SLC10A7: variants seen among roughly 807,000 people sequenced by gnomAD.
SLC10A7 encodes solute carrier family 10 member 7.
In SLC10A7, 29 loss-of-function variants were observed where a neutral mutation model predicts 43.2. The ratio of observed to expected loss-of-function variants is 0.67; its 90% CI spans 0.50 to 0.92. SLC10A7 has a LOEUF of 0.92. Among genes scored for constraint, SLC10A7 ranks in the 40% least tolerant of loss-of-function variants. The pLI is 0.00. For synonymous variants in SLC10A7, 152 were observed against 144.8 expected, an observed-to-expected ratio of 1.05 and a Z score of -0.35; for missense variants, 295 against 403.2, an observed-to-expected ratio of 0.73 and a Z score of 2.30.
chr4:146,491,174 A>G (rs565259914), intron 4 of SLC10A7, among the ~76,000 whole-genome samples: 6 of 152,284 alleles, frequency 3.9e-5, no homozygotes, highest in African/African-American at 1.4e-4. Flanking sequence ...CAACTACTAG[A>G]TACGGGGGAT....
intron 10 of SLC10A7, among the ~76,000 whole-genome samples, chr4:146,269,976 T>C (rs1728794735): frequency 6.6e-6 from 1 of 152,218 alleles, no homozygotes; most frequent in South Asian, 2.1e-4. Context: ...CTTCCAGTGG[T>C]AATTTTCCTT....
chr4:146,256,458 A>AT lies in SLC10A7; in HGVS notation c.*32dup. On this transcript the variant is annotated 3_prime_UTR_variant, in exon 12 of 12. Transcript: ENST00000335472. ...TGCTAGTATGTACAATCCTGTACAT[A>AT]TATACATTGCTACAGAAAGTCCACC... 6.2e-7 allele frequency: 1 copy of AT among 1,611,072 alleles called. No individual in the cohort carries two copies. Among genetic ancestry groups the AT allele is most frequent in the Non-Finnish European group, 8.5e-7 (1 of 1,177,210 alleles).
chr4:146,435,918 T>G (rs1296947732), intron 5 of SLC10A7, among the ~76,000 whole-genome samples: 1 of 152,100 alleles, frequency 6.6e-6, no homozygotes, highest in Non-Finnish European at 1.5e-5. Flanking sequence ...GGACTGATGA[T>G]GTTTCAAAAA....
intron 9 of SLC10A7, among the ~76,000 whole-genome samples, chr4:146,286,464 T>C (rs1224406288): frequency 1.4e-5 from 2 of 147,280 alleles, no homozygotes; most frequent in African/African-American, 2.5e-5. Flanking sequence ...AGGACTGAGT[T>C]TGGAGTGGTG....
At chr4:146,459,075 T>C (rs1363735587) in intron 4 of SLC10A7, among the ~76,000 whole-genome samples, 1 of 151,768 alleles carries the variant, frequency 6.6e-6, no homozygotes, top group Non-Finnish European at 1.5e-5. Context: ...AGGAATAATT[T>C]TAAATTGAAA....
chr4:146,326,237 T>C (rs1733094287), intron 5 of SLC10A7, among the ~76,000 whole-genome samples: 1 of 152,206 alleles, frequency 6.6e-6, no homozygotes, highest in Non-Finnish European at 1.5e-5. Flanking sequence ...GGTTCATCTT[T>C]CCTTTTGTAA....
chr4:146,278,190 T>C (rs185287882), intron 10 of SLC10A7, among the ~76,000 whole-genome samples: 50 of 152,274 alleles, frequency 3.3e-4, no homozygotes, highest in African/African-American at 1.1e-3. Flanking sequence ...TATGCTTTCA[T>C]TTATTTTTAT....
chr4:146,329,672 A>G (rs1446604745), intron 5 of SLC10A7, among the ~76,000 whole-genome samples: 1 of 152,164 alleles, frequency 6.6e-6, no homozygotes, highest in African/African-American at 2.4e-5. Flanking sequence ...CAGGCTCAGT[A>G]TGTCTTTTTG....
chr4:146,387,518 A>T (rs538149415), intron 5 of SLC10A7, among the ~76,000 whole-genome samples: 61 of 152,300 alleles, frequency 4.0e-4, no homozygotes, highest in South Asian at 1.0e-3. Flanking sequence ...TCCCCCTAGG[A>T]CTGGAACAAG....
chr4:146,436,263 A>AT (rs1206410344), intron 5 of SLC10A7, among the ~76,000 whole-genome samples: 1 of 152,146 alleles, frequency 6.6e-6, no homozygotes, highest in Non-Finnish European at 1.5e-5. Context: ...GATCCTATAC[A>AT]TTTTTATTAA....
intron 5 of SLC10A7, among the ~76,000 whole-genome samples, chr4:146,334,421 G>A (rs1437048044): frequency 2.6e-5 from 4 of 152,138 alleles, no homozygotes; most frequent in Admixed American, 1.3e-4. Context: ...GGAGGGCTGA[G>A]TAAGGAGGGA....
chr4:146,465,606 C>A (rs1430494089), intron 4 of SLC10A7, among the ~76,000 whole-genome samples: 2 of 152,148 alleles, frequency 1.3e-5, no homozygotes, highest in South Asian at 2.1e-4. Context: ...AACAGTGAAG[C>A]CTTCATGGAA....
Position 146,521,813 on chromosome 4 carries a change from G to C in SLC10A7, c.-96C>G. ...CTTGGAGCGTCTCCACACTTTCCTTGGTCCCTCCAGACATGCAGCAGAGCA... is the reference window on the plus strand; with the variant it reads ...CTTGGAGCGTCTCCACACTTTCCTTCGTCCCTCCAGACATGCAGCAGAGCA... On this transcript the variant is annotated 5_prime_UTR_variant, in exon 1 of 12. Transcript: ENST00000335472. 2 of 987,942 alleles carry C rather than the reference G, an allele frequency of 2.0e-6. No homozygotes were observed. Among genetic ancestry groups the C allele is most frequent in the South Asian group, 2.8e-5 (2 of 71,472 alleles). The allele number at this position is 987,942 out of a possible 1,614,324, so 61.2% of individuals were successfully genotyped here.
At chr4:146,353,694 C>G (rs1229098297) in intron 5 of SLC10A7, among the ~76,000 whole-genome samples, 6 of 64,832 alleles carry the variant, frequency 9.3e-5, no homozygotes, top group Non-Finnish European at 1.5e-4. Context: ...CCACCATGAT[C>G]AAGTGGGCTT....
At chr4:146,325,422 T>C (rs1733032950) in intron 6 of SLC10A7, among the ~76,000 whole-genome samples, 1 of 152,200 alleles carries the variant, frequency 6.6e-6, no homozygotes, top group Non-Finnish European at 1.5e-5. Flanking sequence ...GAAGCGTGTA[T>C]TGATTTGTAT....
chr4:146,481,249 C>G (rs1428290361), intron 4 of SLC10A7, among the ~76,000 whole-genome samples: 1 of 152,204 alleles, frequency 6.6e-6, no homozygotes, highest in Non-Finnish European at 1.5e-5. Context: ...ACTCCCCAGT[C>G]CAAATAGGCA....
At chr4:146,380,345 T>C (rs1046044201) in intron 5 of SLC10A7, among the ~76,000 whole-genome samples, 7 of 152,152 alleles carry the variant, frequency 4.6e-5, no homozygotes, top group African/African-American at 1.7e-4. Flanking sequence ...GGTAATAGGC[T>C]TGTGATATTA....
intron 5 of SLC10A7, among the ~76,000 whole-genome samples, chr4:146,379,368 T>C (rs567781131): frequency 3.0e-4 from 45 of 152,312 alleles, no homozygotes; most frequent in Admixed American, 5.9e-4. Context: ...ATTTTATTGA[T>C]GCAGATTTAT....
chr4:146,491,676 AAG>A, intron 4 of SLC10A7, among the ~76,000 whole-genome samples: 2 of 102,100 alleles, frequency 2.0e-5, no homozygotes, highest in Non-Finnish European at 3.9e-5. Context: ...GGGAGGGAGG[AAG>A]GGAAGGAAGG....
Sources: gnomAD v4.1 joint callset for allele counts (sites outside exome capture counted in the v4.1 genomes callset) on GRCh38, gnomAD v4.1.1 for gene constraint, MANE v1.5 for transcripts, NCBI Gene and HGNC (gene_info 2026-07-23, HGNC 2026-07-21) for gene names.